Variants in TSC2 observed in about 807,000 individuals in gnomAD.
The protein encoded by TSC2 is tuberin.
In TSC2, 29 loss-of-function variants were observed where a neutral mutation model predicts 202.2. The ratio of observed to expected loss-of-function variants is 0.14; its 90% CI spans 0.11 to 0.20. The LOEUF (loss-of-function observed/expected upper bound fraction) is 0.20, where lower values mean the gene tolerates loss of function less well. Among genes scored for constraint, TSC2 ranks in the 10% least tolerant of loss-of-function variants. TSC2 has a pLI of 1.00. For missense variants in TSC2, 2,429 were observed against 2,420.0 expected (o/e 1.00, Z -0.08); for synonymous variants, 1,349 against 1,044.0 (o/e 1.29, Z -5.63).
chr16:2,079,692 T>G lies in TSC2; in HGVS notation c.3397+23T>G. On this transcript the variant is annotated intron_variant, in intron 29 of 41. Transcript: ENST00000219476. This position sits in a 1 kb window ranked among gnomAD's most constrained non-coding sequence, Gnocchi z 4.6. The stretch of plus-strand genomic sequence containing the variant: ...CGGGTGAGCCTTGGCCCCAGCCACC[T>G]CCACACAGGCACCGGGGCTCCCTCA... The G allele has an allele frequency of 6.4e-7, 1 of 1,559,426 alleles. No homozygotes were observed. The highest frequency in any genetic ancestry group is 1.2e-5 in the South Asian group (1 of 85,456).
At position 2,056,690 on chromosome 16, in the gene TSC2, C is replaced by A; in HGVS notation, c.695C>A (p.Pro232Gln). ...LDAVVCYNCL[P>Q]AESLPLFIVT... Reference sequence around the variant, plus strand: ...GCCGTGGTCTGCTACAACTGCCTGCCGGCTGAGAGCCTCCCGCTGTTCATC... The same window carrying A: ...GCCGTGGTCTGCTACAACTGCCTGCAGGCTGAGAGCCTCCCGCTGTTCATC... The change falls in exon 8 of 42, where the codon CCG becomes CAG. Residue 232 changes from proline to glutamine, a missense_variant. Transcript: ENST00000219476. 1 of 1,612,508 alleles carries A rather than the reference C, an allele frequency of 6.2e-7. No individual in the cohort carries two copies. Among genetic ancestry groups the A allele is most frequent in the South Asian group, 1.1e-5 (1 of 91,062 alleles).
In TSC2 at chr16:2,079,638, T is replaced by C. The variant is rs778352969; in HGVS notation, c.3366T>C (p.Arg1122=). 6 of 1,607,248 alleles carry C rather than the reference T, an allele frequency of 3.7e-6. No individual in the cohort carries two copies. The highest frequency in any genetic ancestry group is 1.7e-4 in the Middle Eastern group (1 of 5,750). ...CCCAGGCTGGGCAGCAGGTGTCCCG[T>C]GGGGCCCGGGATCGGGTCCGTTCCA... ...LESQAGQQVS[R]GARDRVRSMS... is the part of the protein sequence containing the mutation. The change falls in exon 29 of 42, where the codon CGT becomes CGC. Residue 1122 remains arginine, a synonymous_variant. Transcript: ENST00000219476. The surrounding 1 kb of genome is among the most constrained non-coding windows in gnomAD (Gnocchi z 4.6).
intron 32 of TSC2, chr16:2,082,911 G>C: frequency 2.6e-6 from 1 of 381,900 alleles, no homozygotes; most frequent in East Asian, 6.4e-5. Context: ...GGAACCCACA[G>C]ATGGGGCTGC....
intron 9 of TSC2, among the ~76,000 whole-genome samples, chr16:2,057,712 T>A (rs1596283398): frequency 6.6e-6 from 1 of 152,158 alleles, no homozygotes; most frequent in East Asian, 1.9e-4. Context: ...GCCAGGTGGT[T>A]CCCAGCGCCC....
chr16:2,050,596 C>T, intron 3 of TSC2, 110 bp downstream of exon 3: 2 of 712,980 alleles, frequency 2.8e-6, no homozygotes, highest in South Asian at 1.7e-5. Context: ...ATCTGGTTTG[C>T]ACTTTTTTTT....
intron 8 of TSC2, 108 bp from the exon 9 acceptor site, chr16:2,056,997 C>T (rs1186473327): frequency 1.0e-5 from 15 of 1,461,152 alleles, no homozygotes; most frequent in East Asian, 5.0e-5. Flanking sequence ...GCGAGCTGGC[C>T]GGACCTTGGG....
rs752248140 is a variant in TSC2 at position 2,079,048 on chromosome 16, C to A, written c.2983C>A (p.Leu995Ile). 4 of 1,612,866 alleles carry A rather than the reference C, an allele frequency of 2.5e-6. No homozygotes were observed. The highest frequency in any genetic ancestry group is 2.5e-6 in the Non-Finnish European group (3 of 1,180,020). The change falls in exon 27 of 42, where the codon CTC becomes ATC. Residue 995 changes from leucine (L) to isoleucine (I), a missense_variant. By Grantham distance (5) the Leu-to-Ile change is conservative (BLOSUM62 2). Transcript: ENST00000219476. The surrounding 1 kb of genome is among the most constrained non-coding windows in gnomAD (Gnocchi z 4.6). Reference protein sequence around the residue: ...HVVRSRIQTSLTSASLGSADE... With the variant: ...HVVRSRIQTSITSASLGSADE... Reference sequence around the variant, plus strand: ...TCCCTCCAGCAGGATACAGACGTCCCTCACCAGTGCCAGCTTGGGGTCTGC... The same window carrying A: ...TCCCTCCAGCAGGATACAGACGTCCATCACCAGTGCCAGCTTGGGGTCTGC...
chr16:2,084,392 G>A lies in TSC2; in HGVS notation c.4170G>A (p.Glu1390=), dbSNP rs1244952951. The part of the protein sequence containing the change: ...QPLSKSSSSP[E]LQTLQDILGD... ...TGAGCAAGTCCAGCTCCTCTCCCGA[G>A]CTGCAGACTCTGCAGGACATCCTCG... is the stretch of plus-strand genomic sequence containing the variant. The change falls in exon 34 of 42, where the codon GAG becomes GAA. Residue 1390 remains glutamate, a synonymous_variant. Transcript: ENST00000219476. The A allele has an allele frequency of 3.1e-6, 5 of 1,612,168 alleles. No individual in the cohort carries two copies. Among genetic ancestry groups the A allele is most frequent in the Non-Finnish European group, 4.2e-6 (5 of 1,179,870 alleles).
intron 26 of TSC2, 92 bp downstream of exon 26, chr16:2,077,818 A>C (rs945805124): frequency 6.6e-5 from 105 of 1,587,008 alleles, no homozygotes; most frequent in Non-Finnish European, 8.4e-5. Context: ...GCATGACCTC[A>C]TCGTCTGCCC....
In TSC2 at chr16:2,083,856, G is replaced by A. The variant is rs754661354; in HGVS notation, c.4005+40G>A. The A allele has an allele frequency of 4.4e-6, 7 of 1,592,320 alleles. No homozygotes were observed. In the African/African-American group the frequency reaches 5.4e-5, roughly 12 times the overall value. On this transcript the variant is annotated intron_variant, in intron 33 of 41. Coordinates refer to ENST00000219476, the MANE Select transcript of TSC2 (RefSeq NM_000548.5). ...GAGCCTGGACCCTGCTGACCTCGGG[G>A]GGCTCCTTAGGGGAGGCAGGGCTCT...
intron 13 of TSC2, 165 bp downstream of exon 13, chr16:2,062,765 A>G (rs543582280): frequency 3.2e-6 from 3 of 923,196 alleles, no homozygotes; most frequent in Non-Finnish European, 3.4e-6. Context: ...TTTCCAGTCC[A>G]GCAGGACAGG....
intron 21 of TSC2, 89 bp downstream of exon 21, chr16:2,073,072 G>T: frequency 6.3e-7 from 1 of 1,587,848 alleles, no homozygotes; most frequent in Non-Finnish European, 8.6e-7. Context: ...TCTCATAAAC[G>T]AGTTTCTGCC....
At chr16:2,063,786 G>C (rs2086930931) in intron 14 of TSC2, 2 of 266,816 alleles carry the variant, frequency 7.5e-6, no homozygotes, top group Admixed American at 9.8e-5. Flanking sequence ...GTCTTGTCCT[G>C]GTCTCTGTTC....
At chr16:2,052,887 G>A (rs1038020695) in intron 3 of TSC2, among the ~76,000 whole-genome samples, 6 of 152,144 alleles carry the variant, frequency 3.9e-5, no homozygotes, top group African/African-American at 1.4e-4. Context: ...GCATGGGGTC[G>A]AGGGCCCGAT....
chr16:2,062,257 G>T (rs1476334323), intron 12 of TSC2, among the ~76,000 whole-genome samples: 1 of 152,242 alleles, frequency 6.6e-6, no homozygotes, highest in South Asian at 2.1e-4. Context: ...GTAGAGTCCT[G>T]TGGCTCCCAG....
At position 2,056,187 on chromosome 16, in the gene TSC2, T is replaced by TC; in HGVS notation, c.600-6dup. 6.2e-7 allele frequency: 1 copy of TC among 1,613,838 alleles called. No homozygotes were observed. The stretch of plus-strand genomic sequence containing the variant: ...GTGCTGCCGGGACTGAGCTCGGTGC[T>TC]CCCTGCAGGATGATCTGTCTGCTGT... On this transcript the variant is annotated splice_polypyrimidine_tract_variant and intron_variant, in intron 6 of 41. Transcript: ENST00000219476.
intron 30 of TSC2, 70 bp from the exon 31 acceptor site, chr16:2,081,525 G>GC: frequency 3.1e-6 from 5 of 1,598,408 alleles, no homozygotes; most frequent in Non-Finnish European, 3.4e-6. Context: ...AGGCCAGGAG[G>GC]CCCCTGGGGG....
At position 2,056,773 on chromosome 16, in the gene TSC2, G is replaced by T. The variant is rs1244859914; in HGVS notation, c.774+4G>T. On this transcript the variant is annotated splice_donor_region_variant and intron_variant, in intron 8 of 41. Coordinates refer to ENST00000219476, the MANE Select transcript of TSC2 (RefSeq NM_000548.5). ...GCTCTGCGAGCCTTGCTGGAAGGTGGGGTTTCTGAAACTGCTCTGGAAGGT... is the reference window on the plus strand; with the variant it reads ...GCTCTGCGAGCCTTGCTGGAAGGTGTGGTTTCTGAAACTGCTCTGGAAGGT... The T allele has an allele frequency of 6.2e-7, 1 of 1,607,320 alleles. No homozygotes were observed. The highest frequency in any genetic ancestry group is 1.1e-5 in the South Asian group (1 of 91,008).
chr16:2,062,460 A>T, intron 12 of TSC2, 37 bp from the exon 13 acceptor site: 1 of 1,565,882 alleles, frequency 6.4e-7, no homozygotes, highest in Non-Finnish European at 8.7e-7. Flanking sequence ...AGAGCGCCGG[A>T]GGGGCAGAGG....
Sources: gnomAD v4.1 joint callset for allele counts (sites outside exome capture counted in the v4.1 genomes callset) on GRCh38, gnomAD v4.1.1 for gene constraint, Gnocchi (gnomAD v3.1) non-coding constraint, MANE v1.5 for transcripts, NCBI Gene and HGNC (gene_info 2026-07-23, HGNC 2026-07-21) for gene names.